Variants in FGFR3 observed in about 807,000 individuals in gnomAD.
FGFR3 encodes FGFR-3.
FGFR3 carries 25 observed loss-of-function variants against 82.9 expected under a neutral mutation model. That is an observed-to-expected ratio of 0.30 (90% confidence interval 0.22 to 0.42). The LOEUF (loss-of-function observed/expected upper bound fraction) is 0.42, where lower values mean the gene tolerates loss of function less well. FGFR3 is among the 10% of genes least tolerant of loss of function. The pLI, the probability that FGFR3 is intolerant of heterozygous loss-of-function variation, is 1.00. For synonymous variants in FGFR3, 620 were observed against 516.0 expected, an observed-to-expected ratio of 1.20 and a Z score of -2.73; for missense variants, 1,026 against 1,161.0, an observed-to-expected ratio of 0.88 and a Z score of 1.69.
chr4:1,803,603 T>C, intron 7 of FGFR3, 89 bp from the exon 8 acceptor site: 1 of 1,546,096 alleles, frequency 6.5e-7, no homozygotes. Flanking sequence ...GCGTTTTCCT[T>C]GCAGCGGCTG....
Position 1,808,152 on chromosome 4 carries a change from C to G in FGFR3, c.*890C>G, listed in dbSNP as rs974360833. The G allele has an allele frequency of 3.9e-5, 9 of 232,772 alleles. No homozygotes were observed. Among genetic ancestry groups the G allele is most frequent in the Non-Finnish European group, 7.6e-5 (9 of 117,842 alleles). 14.4% of individuals were successfully genotyped at this position (232,772 alleles called of 1,614,324 possible). ...TGGCACTCTTGTTCCCACACCCCAA[C>G]ACTTCCAGCATTTAGCTGGCCACAT... On this transcript the variant is annotated 3_prime_UTR_variant, in exon 18 of 18. Transcript: ENST00000440486.
At chr4:1,803,518 C>T (rs1365978975) in intron 7 of FGFR3, among the ~76,000 whole-genome samples, 174 bp from the exon 8 acceptor site, 2 of 152,258 alleles carry the variant, frequency 1.3e-5, no homozygotes, top group African/African-American at 4.8e-5. Flanking sequence ...GGCTCAGTAC[C>T]GGTGTACCAG....
At chr4:1,801,318 C>T (rs1721141530) in intron 4 of FGFR3, 49 bp from the exon 5 acceptor site, 3 of 1,533,794 alleles carry the variant, frequency 2.0e-6, no homozygotes, top group African/African-American at 1.4e-5. Flanking sequence ...TTCAGAGGGG[C>T]CTCTGCTCCC....
intron 2 of FGFR3, among the ~76,000 whole-genome samples, chr4:1,798,959 G>A (rs923438980): frequency 7.9e-5 from 12 of 152,334 alleles, no homozygotes; most frequent in Middle Eastern, 3.4e-3. Context: ...TGAATTCTCC[G>A]TGTCCATGAG....
At chr4:1,800,450 G>A (rs559865686) in intron 4 of FGFR3, among the ~76,000 whole-genome samples, 91 of 152,238 alleles carry the variant, frequency 6.0e-4, no homozygotes, top group South Asian at 5.0e-3. Flanking sequence ...GGGCAGTTAC[G>A]ACTTGCGGAC....
At chr4:1,797,647 C>T (rs1479368039) in intron 2 of FGFR3, among the ~76,000 whole-genome samples, 3 of 152,206 alleles carry the variant, frequency 2.0e-5, no homozygotes, top group African/African-American at 4.8e-5. Flanking sequence ...TCGAGCAGCT[C>T]CCAGCTCTGG....
intron 14 of FGFR3, 32 bp from the exon 15 acceptor site, chr4:1,806,225 G>A (rs776354169): frequency 1.2e-6 from 2 of 1,612,930 alleles, no homozygotes; most frequent in Non-Finnish European, 1.7e-6. Context: ...TAGGACGCCT[G>A]GCGCCAACAC....
chr4:1,807,254 C>T lies in FGFR3; in HGVS notation c.2413C>T (p.Arg805Trp), dbSNP rs369758941. The T allele has an allele frequency of 2.9e-5, 47 of 1,601,236 alleles. No homozygotes were observed. Among genetic ancestry groups the T allele is most frequent in the Non-Finnish European group, 3.7e-5 (43 of 1,175,754 alleles). Reference protein sequence around the residue: ...PPAPPSSGGSRT With the variant: ...PPAPPSSGGSWT ...GGCCCCACCCAGCAGTGGGGGCTCG[C>T]GGACGTGAAGGGCCACTGGTCCCCA... Residue 805 changes from arginine (R) to tryptophan (W), a missense_variant, in exon 18 of 18, where the codon CGG (arginine) becomes TGG (tryptophan). Arg to Trp is a moderately radical substitution (Grantham distance 101). Transcript: ENST00000440486.
Position 1,799,473 on chromosome 4 carries a change from G to A in FGFR3, c.329G>A (p.Arg110Gln), listed in dbSNP as rs556916370. The change falls in exon 3 of 18, where the codon CGG becomes CAG. Residue 110 changes from arginine (R) to glutamine (Q), a missense_variant. By Grantham distance (43) the Arg-to-Gln change is conservative (BLOSUM62 1). This residue lies in a region of FGFR3 where 226 missense variants were observed against 222.0 expected (regional missense o/e 1.02). Transcript: ENST00000440486. Reference sequence around the variant, plus strand: ...GAGGACTCCGGGGCCTACAGCTGCCGGCAGCGGCTCACGCAGCGCGTACTG... The same window carrying A: ...GAGGACTCCGGGGCCTACAGCTGCCAGCAGCGGCTCACGCAGCGCGTACTG... ...SHEDSGAYSC[R>Q]QRLTQRVLCH... is the part of the protein sequence containing the mutation. 4.5e-5 allele frequency: 71 copies of A among 1,591,632 alleles called. No individual in the cohort carries two copies. The highest frequency in any genetic ancestry group is 1.7e-4 in the Middle Eastern group (1 of 5,968).
rs1228238127 is a variant in FGFR3, at chr4:1,808,552, A to G, written c.*1290A>G. ...TACAAGTTTATATATATCTATATAT[A>G]TAATTTATTGAGTTTTTACAAGATG... On this transcript the variant is annotated 3_prime_UTR_variant, in exon 18 of 18. Coordinates refer to ENST00000440486, the MANE Select transcript of FGFR3 (RefSeq NM_000142.5). 1.3e-5 allele frequency: 3 copies of G among 229,766 alleles called. No homozygotes were observed. The highest frequency in any genetic ancestry group is 2.2e-5 in the African/African-American group (1 of 45,026). 14.2% of individuals were successfully genotyped at this position (229,766 alleles called of 1,614,324 possible).
Position 1,807,764 on chromosome 4 carries a change from T to C in FGFR3, c.*502T>C. The C allele has an allele frequency of 3.5e-6, 2 of 565,678 alleles. No homozygotes were observed. The highest frequency in any genetic ancestry group is 1.5e-5 in the South Asian group (1 of 68,032). 35.0% of individuals were successfully genotyped at this position (565,678 alleles called of 1,614,324 possible). A position where few individuals can be genotyped will look rare whatever the true frequency, so the allele number is the denominator to read the frequency against. On this transcript the variant is annotated 3_prime_UTR_variant, in exon 18 of 18. Coordinates refer to ENST00000440486, the MANE Select transcript of FGFR3 (RefSeq NM_000142.5). Reference sequence around the variant, plus strand: ...GCACCGCCTCCCCACCTCCAGGCTTTCCCACTTCCCACCCTGCCCCTCAGA... The same window carrying C: ...GCACCGCCTCCCCACCTCCAGGCTTCCCCACTTCCCACCCTGCCCCTCAGA...
chr4:1,803,084 C>A (rs1433954237), intron 7 of FGFR3: 6 of 1,546,090 alleles, frequency 3.9e-6, no homozygotes, highest in Non-Finnish European at 5.2e-6. Flanking sequence ...CTGTCCCATG[C>A]CGGCCGGCAC....
At chr4:1,806,439 T>C in intron 15 of FGFR3, 107 bp from the exon 16 acceptor site, 1 of 1,602,882 alleles carries the variant, frequency 6.2e-7, no homozygotes, top group Non-Finnish European at 8.5e-7. Flanking sequence ...GTGTGGTTTC[T>C]ACCCCTCCCT....
chr4:1,799,645 G>A (rs544649751), intron 3 of FGFR3, 102 bp from the exon 4 acceptor site: 2 of 1,560,206 alleles, frequency 1.3e-6, no homozygotes, highest in African/African-American at 2.7e-5. Flanking sequence ...GGCACCCCCA[G>A]GAAGTGCTGC....
chr4:1,805,717 C>T, intron 12 of FGFR3, 33 bp from the exon 13 acceptor site: 2 of 1,611,554 alleles, frequency 1.2e-6, no homozygotes, highest in Admixed American at 1.7e-5. Flanking sequence ...CCTCCTGGGC[C>T]TGGCAGCCCG....
In FGFR3 at chr4:1,806,884, A is replaced by C. The variant is rs777034307; in HGVS notation, c.2224A>C (p.Lys742Gln). Reference sequence around the variant, plus strand: ...CGCGCCCTCCCAGAGGCCCACCTTCAAGCAGCTGGTGGAGGACCTGGACCG... The same window carrying C: ...CGCGCCCTCCCAGAGGCCCACCTTCCAGCAGCTGGTGGAGGACCTGGACCG... ...HAAPSQRPTF[K>Q]QLVEDLDRVL... is the part of the protein sequence containing the mutation. Residue 742 changes from lysine (K) to glutamine (Q), a missense_variant, in exon 17 of 18, where the codon AAG becomes CAG. Physicochemically the swap from Lys to Gln is moderately conservative, Grantham distance 53 (BLOSUM62 1). Coordinates refer to ENST00000440486, the MANE Select transcript of FGFR3 (RefSeq NM_000142.5). 2 of 1,611,714 alleles carry C rather than the reference A, an allele frequency of 1.2e-6. No individual in the cohort carries two copies. The highest frequency in any genetic ancestry group is 1.7e-6 in the Non-Finnish European group (2 of 1,179,572).
intron 4 of FGFR3, among the ~76,000 whole-genome samples, chr4:1,800,957 T>C (rs1056747877): frequency 2.0e-5 from 3 of 152,206 alleles, no homozygotes; most frequent in African/African-American, 7.2e-5. Flanking sequence ...CCAAGGCTCC[T>C]GGCTCTGCAG....
At chr4:1,807,031 C>A (rs1722019724) in intron 17 of FGFR3, 85 bp from the exon 18 acceptor site, 1 of 1,550,640 alleles carries the variant, frequency 6.4e-7, no homozygotes, top group African/African-American at 1.4e-5. Flanking sequence ...GTGGGGCGGG[C>A]CTTCTGGGGC....
In FGFR3 at chr4:1,808,185, A is replaced by T. The variant is rs1722210207; in HGVS notation, c.*923A>T. On this transcript the variant is annotated 3_prime_UTR_variant, in exon 18 of 18. Transcript: ENST00000440486. ...GCATTTAGCTGGCCACATGGCGGAGAGTTTTAATTTTTAACTTATTGACAA... is the reference window on the plus strand; with the variant it reads ...GCATTTAGCTGGCCACATGGCGGAGTGTTTTAATTTTTAACTTATTGACAA... 1 of 232,680 alleles carries T rather than the reference A, an allele frequency of 4.3e-6. No homozygotes were observed. The highest frequency in any genetic ancestry group is 8.5e-6 in the Non-Finnish European group (1 of 117,858). The allele number at this position is 232,680 out of a possible 1,614,324, so 14.4% of individuals were successfully genotyped here. A position where few individuals can be genotyped will look rare whatever the true frequency, so the allele number is the denominator to read the frequency against.
Sources: gnomAD v4.1 joint callset for allele counts (sites outside exome capture counted in the v4.1 genomes callset) on GRCh38, gnomAD v4.1.1 for gene constraint, gnomAD v4.1.1 regional missense constraint, MANE v1.5 for transcripts, NCBI Gene and HGNC (gene_info 2026-07-23, HGNC 2026-07-21) for gene names.